KHDRBS2: variants seen among roughly 807,000 people sequenced by gnomAD.
KHDRBS2 encodes the protein KH domain-containing, RNA-binding, signal transduction-associated protein 2.
Under a neutral mutation model 44.3 loss-of-function variants are expected in KHDRBS2, and 26 were observed. The ratio of observed to expected loss-of-function variants is 0.59; its 90% CI spans 0.43 to 0.81. The LOEUF is 0.81. Ranked by LOEUF, KHDRBS2 falls within the 40% of genes least tolerant of loss-of-function variation. The pLI is 0.00. For synonymous variants in KHDRBS2, 194 were observed against 151.1 expected (o/e 1.28, Z -2.08); for missense variants, 476 against 433.1 (o/e 1.10, Z -0.88).
chr6:61,832,025 G>A (rs1253033335), intron 6 of KHDRBS2, among the ~76,000 whole-genome samples: 4 of 152,124 alleles, frequency 2.6e-5, no homozygotes, highest in Non-Finnish European at 4.4e-5. Context: ...AGGACTGATT[G>A]AGTCCAGGAG....
intron 2 of KHDRBS2, among the ~76,000 whole-genome samples, chr6:62,149,178 C>G (rs1178179321): frequency 1.3e-5 from 2 of 151,902 alleles, no homozygotes; most frequent in African/African-American, 4.8e-5. Context: ...AAATTTACAC[C>G]ATTAAAGGAA....
At chr6:61,805,010 A>G (rs1786912105) in intron 6 of KHDRBS2, among the ~76,000 whole-genome samples, 1 of 152,140 alleles carries the variant, frequency 6.6e-6, no homozygotes, top group African/African-American at 2.4e-5. Context: ...TTTCTTTTCT[A>G]TTGCATCATC....
At chr6:62,058,136 C>A (rs528882384) in intron 2 of KHDRBS2, among the ~76,000 whole-genome samples, 42 of 151,758 alleles carry the variant, frequency 2.8e-4, no homozygotes, top group Admixed American at 6.6e-4. Flanking sequence ...CAAGTCTGTC[C>A]TTTCTCAAAT....
At chr6:61,563,369 C>G in the KHDRBS2 span, among the ~76,000 whole-genome samples, 2 of 152,058 alleles carry the variant, frequency 1.3e-5, no homozygotes, top group African/African-American at 4.8e-5. Context: ...CTTATCTATA[C>G]TCCTGAGTTA....
At chr6:61,560,859 G>A in the KHDRBS2 span, among the ~76,000 whole-genome samples, 1 of 152,098 alleles carries the variant, frequency 6.6e-6, no homozygotes, top group South Asian at 2.1e-4. Context: ...TTCCTGGATG[G>A]TGTTGATGCT....
chr6:61,955,625 T>C (rs1329216023), intron 4 of KHDRBS2, among the ~76,000 whole-genome samples: 3 of 60,200 alleles, frequency 5.0e-5, no homozygotes, highest in Non-Finnish European at 8.1e-5. Flanking sequence ...TATGTATGCA[T>C]ACATGTGTAT....
intron 1 of KHDRBS2, among the ~76,000 whole-genome samples, chr6:62,198,166 C>A (rs1275759106): frequency 6.6e-6 from 1 of 151,994 alleles, no homozygotes; most frequent in African/African-American, 2.4e-5. Context: ...CCTAACATCA[C>A]AATTAAAAGA....
intron 2 of KHDRBS2, among the ~76,000 whole-genome samples, chr6:62,138,784 T>C (rs1812119871): frequency 6.6e-6 from 1 of 152,200 alleles, no homozygotes; most frequent in African/African-American, 2.4e-5. Flanking sequence ...AAAATAAAGA[T>C]ATGTTACCAA....
At chr6:62,025,156 A>G (rs1301041696) in intron 3 of KHDRBS2, among the ~76,000 whole-genome samples, 1 of 151,696 alleles carries the variant, frequency 6.6e-6, no homozygotes, top group Non-Finnish European at 1.5e-5. Context: ...TGAAACTGAA[A>G]TTTAATTTTG....
intron 3 of KHDRBS2, among the ~76,000 whole-genome samples, chr6:62,009,727 G>C (rs1349683301): frequency 6.6e-6 from 1 of 152,186 alleles, no homozygotes; most frequent in Non-Finnish European, 1.5e-5. Context: ...TCAGGTCATG[G>C]CTTCAAAAGG....
intron 6 of KHDRBS2, among the ~76,000 whole-genome samples, chr6:61,751,616 T>C (rs1337362620): frequency 5.9e-5 from 9 of 152,188 alleles, no homozygotes; most frequent in Non-Finnish European, 1.2e-4. Flanking sequence ...TGCTGTATTT[T>C]GTCTGGAAAA....
chr6:62,138,478 C>T (rs547602101), intron 2 of KHDRBS2, among the ~76,000 whole-genome samples: 96 of 152,260 alleles, frequency 6.3e-4, no homozygotes, highest in African/African-American at 2.1e-3. Context: ...AATTTCTACT[C>T]GAGAAAAATT....
downstream of KHDRBS2, among the ~76,000 whole-genome samples, chr6:61,677,280 G>C (rs1765997577): frequency 6.6e-6 from 1 of 151,858 alleles, no homozygotes; most frequent in South Asian, 2.1e-4. Flanking sequence ...CCCACTGTTT[G>C]AAATGGATAA....
At chr6:62,090,543 T>C (rs1799302083) in intron 2 of KHDRBS2, among the ~76,000 whole-genome samples, 1 of 151,738 alleles carries the variant, frequency 6.6e-6, no homozygotes, top group South Asian at 2.1e-4. Flanking sequence ...TAACACCTAG[T>C]GGTTATAGGA....
intron 2 of KHDRBS2, among the ~76,000 whole-genome samples, chr6:62,059,501 T>A (rs1209241302): frequency 6.6e-6 from 1 of 151,542 alleles, no homozygotes; most frequent in Non-Finnish European, 1.5e-5. Context: ...TTTATTATAT[T>A]AAGTTGGAGG....
chr6:61,626,847 T>TA, the KHDRBS2 span, among the ~76,000 whole-genome samples: 1 of 152,176 alleles, frequency 6.6e-6, no homozygotes, highest in African/African-American at 2.4e-5. Context: ...GCCACATCTC[T>TA]AGTCTTCATT....
At chr6:62,060,787 T>C (rs1282375955) in intron 2 of KHDRBS2, among the ~76,000 whole-genome samples, 1 of 151,848 alleles carries the variant, frequency 6.6e-6, no homozygotes, top group African/African-American at 2.4e-5. Flanking sequence ...GTACACATAG[T>C]TGGAGAATAT....
intron 2 of KHDRBS2, among the ~76,000 whole-genome samples, chr6:62,103,034 T>C (rs1055629827): frequency 2.0e-5 from 3 of 152,110 alleles, no homozygotes; most frequent in African/African-American, 2.4e-5. Context: ...CTGGGGTTTT[T>C]ATGAGCTCAA....
chr6:62,214,899 C>A (rs1829714217), intron 1 of KHDRBS2, among the ~76,000 whole-genome samples: 1 of 151,934 alleles, frequency 6.6e-6, no homozygotes, highest in Admixed American at 6.6e-5. Flanking sequence ...ATCAACAATT[C>A]CAACTGTACG....
Sources: allele counts gnomAD v4.1 joint callset (sites outside exome capture counted in the v4.1 genomes callset), GRCh38; gene constraint gnomAD v4.1.1; transcripts MANE v1.5; gene names NCBI Gene and HGNC (gene_info 2026-07-23, HGNC 2026-07-21).